Variants in CSPP1 observed in about 807,000 individuals in gnomAD.
CSPP1 encodes the protein centrosome and spindle pole-associated protein 1.
CSPP1 carries 126 observed loss-of-function variants against 164.4 expected under a neutral mutation model. That is an observed-to-expected ratio of 0.77 (90% CI 0.66 to 0.89). CSPP1 has a LOEUF of 0.89. CSPP1 is among the 40% of genes least tolerant of loss of function. CSPP1 has a pLI of 0.00. For missense variants in CSPP1, 1,395 were observed against 1,449.8 expected (o/e 0.96, Z 0.61); for synonymous variants, 472 against 476.7 (o/e 0.99, Z 0.13).
chr8:67,154,649 A>G (rs933029349), intron 19 of CSPP1, among the ~76,000 whole-genome samples: 3 of 152,136 alleles, frequency 2.0e-5, no homozygotes, highest in Non-Finnish European at 4.4e-5. Context: ...TACAGGCGTG[A>G]GCCGCCACAC....
intron 15 of CSPP1, among the ~76,000 whole-genome samples, chr8:67,123,476 C>G (rs1413061065): frequency 1.3e-5 from 2 of 152,112 alleles, no homozygotes; most frequent in Admixed American, 1.3e-4. Flanking sequence ...GTCTTTGAAT[C>G]TAAAAGATGT....
intron 29 of CSPP1, among the ~76,000 whole-genome samples, chr8:67,191,108 G>C (rs909701844): frequency 6.6e-6 from 1 of 152,118 alleles, no homozygotes; most frequent in African/African-American, 2.4e-5. Flanking sequence ...CTGTGATATA[G>C]GCATCACCTT....
intron 1 of CSPP1, among the ~76,000 whole-genome samples, chr8:67,071,342 C>G (rs1585806518): frequency 6.6e-6 from 1 of 151,478 alleles, no homozygotes; most frequent in South Asian, 2.1e-4. Context: ...GTTTCATATC[C>G]CTGTTTTAAT....
Position 67,190,760 on chromosome 8 carries a change from G to GTA in CSPP1, c.3330+3_3330+4dup, listed in dbSNP as rs1563799802. ...GAACAAATGGAAAGGACTAGACATT[G>GTA]TATGTATGAGACTTTTCTCCCCCTT... On this transcript the variant is annotated splice_donor_variant, in intron 29 of 30. Transcript: ENST00000678616. LOFTEE classifies it high-confidence loss of function. The GTA allele has an allele frequency of 6.3e-7, 1 of 1,591,610 alleles. No homozygotes were observed.
intron 30 of CSPP1, among the ~76,000 whole-genome samples, chr8:67,194,699 A>AAG (rs1563812766): frequency 3.3e-5 from 5 of 151,818 alleles, no homozygotes; most frequent in Admixed American, 6.6e-5. Flanking sequence ...AAAAAAAAAA[A>AAG]AAGAATATGA....
intron 24 of CSPP1, among the ~76,000 whole-genome samples, chr8:67,167,336 G>A (rs1203862389): frequency 3.2e-4 from 46 of 142,978 alleles, no homozygotes; most frequent in Non-Finnish European, 1.2e-4. Flanking sequence ...ATGGGGCGGC[G>A]GCTGGGCGGA....
chr8:67,186,443 A>G (rs1422172278), intron 28 of CSPP1, among the ~76,000 whole-genome samples: 3 of 151,972 alleles, frequency 2.0e-5, no homozygotes, highest in African/African-American at 7.3e-5. Flanking sequence ...AAAGTCCAAG[A>G]ATACCATGAA....
intron 17 of CSPP1, among the ~76,000 whole-genome samples, chr8:67,142,252 A>G (rs966348728): frequency 6.6e-6 from 1 of 152,222 alleles, no homozygotes; most frequent in African/African-American, 2.4e-5. Context: ...GTTAAAACGT[A>G]TACACCAAAA....
chr8:67,171,588 C>T (rs2129566555), intron 24 of CSPP1, among the ~76,000 whole-genome samples: 1 of 152,108 alleles, frequency 6.6e-6, no homozygotes, highest in South Asian at 2.1e-4. Flanking sequence ...TGCTCTGTCA[C>T]CCAAGCTGGA....
intron 13 of CSPP1, among the ~76,000 whole-genome samples, chr8:67,117,910 T>G (rs1818247499): frequency 6.6e-6 from 1 of 152,206 alleles, no homozygotes; most frequent in South Asian, 2.1e-4. Flanking sequence ...AATTTGCTTG[T>G]ACTTGACTGT....
intron 3 of CSPP1, among the ~76,000 whole-genome samples, chr8:67,084,990 T>G (rs1374029831): frequency 6.6e-6 from 1 of 152,174 alleles, no homozygotes; most frequent in Non-Finnish European, 1.5e-5. Context: ...AGTGTACAAT[T>G]CAATGGTTTT....
chr8:67,093,178 G>C lies in CSPP1; in HGVS notation c.385-365G>C, dbSNP rs545256968. On this transcript the variant is annotated intron_variant, in intron 5 of 30. Transcript: ENST00000678616. ...TCAAACCTGGAATCTATGGATTTAT[G>C]TGGCATGGCTCTTTGGAAAATGTCA... Among the ~76,000 whole-genome samples, 4 of 152,318 alleles carry C rather than the reference G, an allele frequency of 2.6e-5. No individual in the cohort carries two copies. The East Asian group carries it at 7.7e-4, about 29-fold the overall frequency.
chr8:67,097,897 C>A (rs1357189828), intron 7 of CSPP1, among the ~76,000 whole-genome samples: 1 of 151,712 alleles, frequency 6.6e-6, no homozygotes, highest in African/African-American at 2.4e-5. Context: ...TTGTTAAATA[C>A]TTTAAAGTGT....
Position 67,064,393 on chromosome 8 carries a change from T to C in CSPP1, c.-156T>C. ...GAGGGGCGGAGCCCCGGCCCGGAGG[T>C]CTGTCATGCTGTTCCCGCTCCAGGT... is the stretch of plus-strand genomic sequence containing the variant. On this transcript the variant is annotated 5_prime_UTR_variant, in exon 1 of 31. Transcript: ENST00000678616. 1 of 1,612,278 alleles carries C rather than the reference T, an allele frequency of 6.2e-7. No homozygotes were observed. The highest frequency in any genetic ancestry group is 8.5e-7 in the Non-Finnish European group (1 of 1,179,524).
chr8:67,095,127 C>A (rs1438001061), intron 6 of CSPP1, among the ~76,000 whole-genome samples, 166 bp from the exon 7 acceptor site: 2 of 151,866 alleles, frequency 1.3e-5, no homozygotes, highest in Non-Finnish European at 2.9e-5. Context: ...ACAAGTAAAG[C>A]TCATGTGAAC....
intron 24 of CSPP1, 67 bp from the exon 25 acceptor site, chr8:67,172,349 T>C (rs1830639110): frequency 1.6e-6 from 2 of 1,282,624 alleles, no homozygotes; most frequent in Admixed American, 2.0e-5. Flanking sequence ...TCTTTTACAG[T>C]GAATTAGATG....
At chr8:67,124,828 C>T (rs557759006) in intron 15 of CSPP1, among the ~76,000 whole-genome samples, 4 of 152,040 alleles carry the variant, frequency 2.6e-5, no homozygotes, top group African/African-American at 9.7e-5. Context: ...ACTCCCACTA[C>T]GCCTAGCTAA....
At chr8:67,066,648 C>T (rs748198244) in intron 1 of CSPP1, among the ~76,000 whole-genome samples, 4 of 152,116 alleles carry the variant, frequency 2.6e-5, no homozygotes, top group Non-Finnish European at 5.9e-5. Context: ...GGATATCTCA[C>T]ATTCAGCTCC....
At position 67,137,448 on chromosome 8, in the gene CSPP1, T is replaced by G. The variant is rs749561859; in HGVS notation, c.1828-8T>G. On this transcript the variant is annotated splice_region_variant and splice_polypyrimidine_tract_variant and intron_variant, in intron 16 of 30. Transcript: ENST00000678616. ...GCGTTTATTTTAAATATATCTTATG[T>G]TGTCAAGATTCGGGAAAGAGAAGAA... is the stretch of plus-strand genomic sequence containing the variant. 6.8e-7 allele frequency: 1 copy of G among 1,476,496 alleles called. No individual in the cohort carries two copies. The highest frequency in any genetic ancestry group is 2.1e-5 in the Admixed American group (1 of 48,220). The allele number at this position is 1,476,496 out of a possible 1,614,324, so 91.5% of individuals were successfully genotyped here.
Sources: allele counts gnomAD v4.1 joint callset (sites outside exome capture counted in the v4.1 genomes callset), GRCh38; gene constraint gnomAD v4.1.1; transcripts MANE v1.5; gene names NCBI Gene and HGNC (gene_info 2026-07-23, HGNC 2026-07-21).